RGS6: variants seen among roughly 807,000 people sequenced by gnomAD.
RGS6 encodes regulator of G-protein signaling 6.
In RGS6, 30 loss-of-function variants were observed where a neutral mutation model predicts 78.5. The ratio of observed to expected loss-of-function variants is 0.38; its 90% confidence interval spans 0.29 to 0.52. The LOEUF is 0.52. Among genes scored for constraint, RGS6 ranks in the 20% least tolerant of loss-of-function variants. The pLI, the probability that RGS6 is intolerant of heterozygous loss-of-function variation, is 0.85. For missense variants in RGS6, 495 were observed against 609.7 expected, an observed-to-expected ratio of 0.81 and a Z score of 1.98; for synonymous variants, 206 against 206.0, an observed-to-expected ratio of 1.00 and a Z score of 0.00.
At chr14:72,374,252 A>C (rs893092671) in intron 3 of RGS6, among the ~76,000 whole-genome samples, 227 of 137,688 alleles carry the variant, frequency 1.6e-3, no homozygotes, top group African/African-American at 5.4e-3. Context: ...CCCCCACCCC[A>C]CGACAGGCCG....
At chr14:72,271,532 G>A (rs1343833964) in intron 2 of RGS6, among the ~76,000 whole-genome samples, 1 of 152,216 alleles carries the variant, frequency 6.6e-6, no homozygotes, top group Non-Finnish European at 1.5e-5. Flanking sequence ...ACATGACCAA[G>A]TTCAGACTTG....
chr14:72,595,834 C>A, the RGS6 span, among the ~76,000 whole-genome samples: 8,043 of 152,284 alleles, frequency 0.053, 256 homozygotes, highest in Middle Eastern at 0.17. Flanking sequence ...CGGTTGCAAA[C>A]CCCTATGGTC....
chr14:72,465,658 ATGGG>A (rs1336398784), intron 6 of RGS6, 96 bp from the exon 7 acceptor site: 7 of 761,406 alleles, frequency 9.2e-6, no homozygotes, highest in Middle Eastern at 2.3e-4. Flanking sequence ...GGATGGATGG[ATGGG>A]TGAATGGGTG....
At chr14:72,465,688 G>A (rs977833148) in intron 6 of RGS6, 70 bp from the exon 7 acceptor site, 18 of 1,097,328 alleles carry the variant, frequency 1.6e-5, no homozygotes, top group Non-Finnish European at 2.5e-5. Flanking sequence ...ATGGACAGAT[G>A]GATGGATGGG....
intron 3 of RGS6, among the ~76,000 whole-genome samples, chr14:72,363,207 G>T (rs909766093): frequency 5.3e-5 from 8 of 152,212 alleles, no homozygotes; most frequent in African/African-American, 1.9e-4. Flanking sequence ...CAGATGGACT[G>T]CCGTCAGAGG....
intron 3 of RGS6, among the ~76,000 whole-genome samples, chr14:72,433,471 G>A (rs2094749718): frequency 6.6e-6 from 1 of 151,614 alleles, no homozygotes. Flanking sequence ...TGCACATCCT[G>A]CACATGTTAC....
In RGS6 at chr14:72,495,219, C is replaced by G; in HGVS notation, c.922C>G (p.Pro308Ala). The G allele has an allele frequency of 6.2e-7, 1 of 1,613,538 alleles. No individual in the cohort carries two copies. The highest frequency in any genetic ancestry group is 8.5e-7 in the Non-Finnish European group (1 of 1,179,548). ...PLITPAEPSNPWISDDVALWD... is the reference protein window; with the variant it reads ...PLITPAEPSNAWISDDVALWD... Reference sequence around the variant, plus strand: ...GATAACACCAGCTGAGCCATCCAACCCTTGGATCAGCGATGACGTTGCTTT... The same window carrying G: ...GATAACACCAGCTGAGCCATCCAACGCTTGGATCAGCGATGACGTTGCTTT... The change falls in exon 13 of 18, where the codon CCT (proline) becomes GCT (alanine). Residue 308 changes from proline to alanine, a missense_variant. Pro to Ala is a conservative substitution (Grantham distance 27). Coordinates refer to ENST00000553525, the MANE Select transcript of RGS6 (RefSeq NM_001204424.2).
intron 2 of RGS6, among the ~76,000 whole-genome samples, chr14:72,254,762 C>G (rs1008455697): frequency 1.3e-5 from 2 of 152,140 alleles, no homozygotes; most frequent in African/African-American, 2.4e-5. Context: ...AAACAAAAGG[C>G]AGTATCCCTT....
chr14:72,215,095 CGTT>C lies in RGS6; in HGVS notation c.85-136993_85-136991del, dbSNP rs1223644429. ...ACCAGAAAACAGTCCTAATTGTATT[CGTT>C]GTTGTTCATGTCACTGTCAGACTCT... On this transcript the variant is annotated intron_variant, in intron 2 of 17. Coordinates refer to ENST00000553525, the MANE Select transcript of RGS6 (RefSeq NM_001204424.2). 2.0e-5 allele frequency among the ~76,000 whole-genome samples: 3 copies of C among 152,160 alleles called. No individual in the cohort carries two copies. In the East Asian group the frequency reaches 5.8e-4, roughly 29 times the overall value.
At chr14:72,498,560 AT>A (rs548516595) in intron 13 of RGS6, among the ~76,000 whole-genome samples, 51 of 151,502 alleles carry the variant, frequency 3.4e-4, no homozygotes, top group African/African-American at 1.1e-3. Flanking sequence ...ATCTCCCCAC[AT>A]TTTTTTTTAA....
Position 72,398,555 on chromosome 14 carries a change from G to A in RGS6, c.184+46361G>A, listed in dbSNP as rs184460803. 7.2e-4 allele frequency among the ~76,000 whole-genome samples: 110 copies of A among 152,198 alleles called. 1 individual carries two copies. In the Middle Eastern group the frequency reaches 0.01, roughly 14 times the overall value. ...GTTTTTTGTGTCTCTATTTCCTTCA[G>A]TTCTGTTCTGATCTTAGTCATTTCT... On this transcript the variant is annotated intron_variant, in intron 3 of 17. Transcript: ENST00000553525.
chr14:72,556,800 T>C (rs1219813782), intron 17 of RGS6, among the ~76,000 whole-genome samples: 1 of 152,248 alleles, frequency 6.6e-6, no homozygotes, highest in East Asian at 1.9e-4. Flanking sequence ...GTACCATTTA[T>C]TAATTCTTTA....
chr14:72,097,643 G>T (rs778338940), intron 2 of RGS6, among the ~76,000 whole-genome samples: 26 of 152,128 alleles, frequency 1.7e-4, no homozygotes, highest in Non-Finnish European at 3.2e-4. Flanking sequence ...TGCACCTTGG[G>T]CTGTGTTGCT....
At chr14:72,030,180 G>A (rs961447831) in intron 2 of RGS6, among the ~76,000 whole-genome samples, 1 of 152,124 alleles carries the variant, frequency 6.6e-6, no homozygotes, top group Non-Finnish European at 1.5e-5. Context: ...CATATTAATG[G>A]TTAAAGATGT....
At chr14:72,059,636 C>T (rs1322976379) in intron 2 of RGS6, among the ~76,000 whole-genome samples, 1 of 152,076 alleles carries the variant, frequency 6.6e-6, no homozygotes, top group East Asian at 1.9e-4. Context: ...GCCCTAGGTT[C>T]CTATGTTGAA....
chr14:72,508,029 T>C (rs2096830760), intron 13 of RGS6, among the ~76,000 whole-genome samples: 2 of 152,352 alleles, frequency 1.3e-5, no homozygotes, highest in Admixed American at 1.3e-4. Context: ...TTTGAGAGAA[T>C]CCAGGATTTG....
chr14:72,515,440 C>T (rs757539548), intron 14 of RGS6, among the ~76,000 whole-genome samples: 16 of 152,330 alleles, frequency 1.1e-4, no homozygotes, highest in Admixed American at 5.2e-4. Context: ...CCAAGGCGGG[C>T]GGATCACTTG....
chr14:72,556,397 C>T (rs1461687667), intron 17 of RGS6, among the ~76,000 whole-genome samples: 2 of 152,114 alleles, frequency 1.3e-5, no homozygotes, highest in Non-Finnish European at 2.9e-5. Context: ...CCCCATGATC[C>T]AATCACCTCC....
chr14:72,336,390 T>A (rs2076032300), intron 2 of RGS6, among the ~76,000 whole-genome samples: 2 of 152,166 alleles, frequency 1.3e-5, no homozygotes, highest in Non-Finnish European at 2.9e-5. Flanking sequence ...TTCAGAAAGC[T>A]AAGCTTTGAA....
Sources: allele counts gnomAD v4.1 joint callset (sites outside exome capture counted in the v4.1 genomes callset), GRCh38; gene constraint gnomAD v4.1.1; transcripts MANE v1.5; gene names NCBI Gene and HGNC (gene_info 2026-07-23, HGNC 2026-07-21).